The following TENM4 variants were observed in gnomAD, a reference collection of about 807,000 sequenced individuals.
The protein encoded by TENM4 is teneurin-4.
In TENM4, 82 loss-of-function variants were observed where a neutral mutation model predicts 243.3. That is an observed-to-expected ratio of 0.34 (90% CI 0.28 to 0.40). The LOEUF is 0.40. Among genes scored for constraint, TENM4 ranks in the 10% least tolerant of loss-of-function variants. The pLI is 1.00. For missense variants in TENM4, 3,138 were observed against 3,673.3 expected, an observed-to-expected ratio of 0.85 and a Z score of 3.77; for synonymous variants, 1,412 against 1,456.3, an observed-to-expected ratio of 0.97 and a Z score of 0.69.
chr11:79,189,869 C>G (rs1215645321), intron 3 of TENM4, among the ~76,000 whole-genome samples: 1 of 152,208 alleles, frequency 6.6e-6, no homozygotes, highest in Non-Finnish European at 1.5e-5. Flanking sequence ...CCGTTGATGG[C>G]CCCACTCCTG....
At chr11:78,903,848 G>T in intron 6 of TENM4, 1 of 601,740 alleles carries the variant, frequency 1.7e-6, no homozygotes, top group East Asian at 3.7e-5. Flanking sequence ...TTAGGACGTG[G>T]TTTTTAAAGT....
chr11:79,263,041 C>T (rs557481053), intron 2 of TENM4, among the ~76,000 whole-genome samples: 2 of 152,304 alleles, frequency 1.3e-5, no homozygotes, highest in Admixed American at 1.3e-4. Flanking sequence ...GGCTCAGTGG[C>T]GAGAGGAAGA....
At chr11:79,265,705 A>T (rs1001895733) in intron 2 of TENM4, among the ~76,000 whole-genome samples, 3 of 152,056 alleles carry the variant, frequency 2.0e-5, no homozygotes, top group African/African-American at 7.2e-5. Context: ...TCCTATCAAT[A>T]AACTCTATCT....
At chr11:79,122,581 A>G (rs1318806874) in intron 4 of TENM4, among the ~76,000 whole-genome samples, 1 of 152,132 alleles carries the variant, frequency 6.6e-6, no homozygotes, top group South Asian at 2.1e-4. Flanking sequence ...GACTGACTGG[A>G]TATGGGGTCA....
At chr11:79,043,645 C>A (rs979564267) in intron 6 of TENM4, among the ~76,000 whole-genome samples, 3 of 152,104 alleles carry the variant, frequency 2.0e-5, no homozygotes, top group African/African-American at 4.8e-5. Flanking sequence ...AATACAGAAA[C>A]CTTATTTTTG....
chr11:78,913,234 C>T (rs1318370317), intron 6 of TENM4, among the ~76,000 whole-genome samples: 2 of 152,146 alleles, frequency 1.3e-5, no homozygotes, highest in Admixed American at 1.3e-4. Context: ...TGCTTCTCTG[C>T]TTTCATTTCT....
intron 1 of TENM4, among the ~76,000 whole-genome samples, chr11:79,429,411 C>T (rs1487198093): frequency 1.3e-5 from 2 of 152,158 alleles, no homozygotes; most frequent in African/African-American, 4.8e-5. Flanking sequence ...AGCGGACCAG[C>T]AGCTGAGAGG....
chr11:79,295,382 T>C (rs1274284559), intron 2 of TENM4, among the ~76,000 whole-genome samples: 1 of 152,002 alleles, frequency 6.6e-6, no homozygotes, highest in African/African-American at 2.4e-5. Context: ...ACTCAACCTG[T>C]AAAGGAAAGG....
chr11:79,121,255 A>G (rs917072897), intron 4 of TENM4, among the ~76,000 whole-genome samples: 4 of 152,220 alleles, frequency 2.6e-5, no homozygotes, highest in Non-Finnish European at 5.9e-5. Flanking sequence ...TTTCTTGTTT[A>G]CATAGGCCAG....
chr11:78,700,397 C>T (rs186365922), intron 28 of TENM4, among the ~76,000 whole-genome samples: 3 of 152,290 alleles, frequency 2.0e-5, no homozygotes, highest in African/African-American at 7.2e-5. Context: ...CACCCATCCT[C>T]AGAGCTGTTG....
chr11:79,431,743 T>A (rs1012362061), intron 1 of TENM4, among the ~76,000 whole-genome samples: 5 of 152,178 alleles, frequency 3.3e-5, no homozygotes, highest in African/African-American at 1.2e-4. Context: ...TAGTCATACA[T>A]TCAGTACGTG....
intron 21 of TENM4, among the ~76,000 whole-genome samples, chr11:78,731,825 G>T (rs546511215): frequency 1.4e-3 from 209 of 152,232 alleles, no homozygotes; most frequent in Admixed American, 2.8e-3. Flanking sequence ...AATAATAATA[G>T]CTAAAATTTA....
rs191213543 is a variant in TENM4 at position 79,021,055 on chromosome 11, A to G, written c.493+43683T>C. Among the ~76,000 whole-genome samples, 8 of 152,306 alleles carry G rather than the reference A, an allele frequency of 5.3e-5. No homozygotes were observed. The East Asian group carries it at 1.5e-3, about 29-fold the overall frequency. ...TTGCATCCCTGCTGGGCCAGCTCAG[A>G]GCCTAGCATACAATAGACACTCAAC... is the stretch of plus-strand genomic sequence containing the variant. On this transcript the variant is annotated intron_variant, in intron 6 of 33. Transcript: ENST00000278550.
intron 18 of TENM4, among the ~76,000 whole-genome samples, chr11:78,769,336 G>A (rs1001016723): frequency 6.6e-6 from 1 of 152,174 alleles, no homozygotes; most frequent in Non-Finnish European, 1.5e-5. Flanking sequence ...CCATAATGAT[G>A]TCTCTGAATA....
chr11:79,243,143 G>C (rs1029921129), intron 2 of TENM4, among the ~76,000 whole-genome samples: 1 of 152,062 alleles, frequency 6.6e-6, no homozygotes, highest in Admixed American at 6.6e-5. Context: ...ACTGAGGGGG[G>C]CCTTGTGTGC....
chr11:79,335,446 TA>T (rs1857132115), intron 1 of TENM4, among the ~76,000 whole-genome samples: 1 of 152,230 alleles, frequency 6.6e-6, no homozygotes, highest in South Asian at 2.1e-4. Flanking sequence ...AGACATAAAC[TA>T]AGAAATGGCT....
intron 1 of TENM4, among the ~76,000 whole-genome samples, chr11:79,436,683 C>T (rs942113848): frequency 6.6e-6 from 1 of 152,162 alleles, no homozygotes; most frequent in African/African-American, 2.4e-5. Context: ...TAGTTCTGCC[C>T]GTTGGCATCC....
At chr11:79,063,734 G>A (rs1056759841) in intron 6 of TENM4, among the ~76,000 whole-genome samples, 30 of 152,218 alleles carry the variant, frequency 2.0e-4, no homozygotes, top group African/African-American at 6.5e-4. Flanking sequence ...GGGAGAAAGA[G>A]GAAGACGCTG....
chr11:79,124,424 C>T (rs1333065363), intron 4 of TENM4, among the ~76,000 whole-genome samples: 1 of 152,034 alleles, frequency 6.6e-6, no homozygotes, highest in Non-Finnish European at 1.5e-5. Flanking sequence ...CCTAGCCTCC[C>T]AGCCTACATC....
Sources: gnomAD v4.1 joint callset for allele counts (sites outside exome capture counted in the v4.1 genomes callset) on GRCh38, gnomAD v4.1.1 for gene constraint, MANE v1.5 for transcripts, NCBI Gene and HGNC (gene_info 2026-07-23, HGNC 2026-07-21) for gene names.